Variants in GPHN observed in about 807,000 individuals in gnomAD.
The protein encoded by GPHN is gephyrin.
Under a neutral mutation model 95.5 loss-of-function variants are expected in GPHN, and 17 were observed. The observed-to-expected ratio is 0.18, with a 90% CI of 0.12 to 0.27. The LOEUF (loss-of-function observed/expected upper bound fraction) is 0.27. GPHN is among the 10% of genes least tolerant of loss of function. GPHN has a pLI of 1.00. For missense variants in GPHN, 660 were observed against 978.1 expected (o/e 0.67, Z 4.34); for synonymous variants, 320 against 322.5 (o/e 0.99, Z 0.08).
the GPHN span, among the ~76,000 whole-genome samples, chr14:67,530,426 A>G: frequency 1.7e-4 from 26 of 152,332 alleles, no homozygotes; most frequent in Admixed American, 9.8e-4. Flanking sequence ...GTGCTGTCCA[A>G]GGAACAAGGC....
the GPHN span, among the ~76,000 whole-genome samples, chr14:67,309,012 A>G: frequency 4.6e-5 from 7 of 152,196 alleles, no homozygotes; most frequent in Admixed American, 6.5e-5. Context: ...TATTAAAAAA[A>G]GGAAAAAGAA....
At chr14:67,660,689 G>A in the GPHN span, among the ~76,000 whole-genome samples, 3 of 152,154 alleles carry the variant, frequency 2.0e-5, no homozygotes, top group Admixed American at 2.0e-4. Flanking sequence ...CCATTTTTCT[G>A]GGGTAAGTAA....
At chr14:67,200,936 C>G in the GPHN span, among the ~76,000 whole-genome samples, 1 of 152,206 alleles carries the variant, frequency 6.6e-6, no homozygotes, top group Non-Finnish European at 1.5e-5. Flanking sequence ...CACAACCCCA[C>G]CTGGTTAGCA....
At chr14:66,738,807 A>T (rs1299813459) in intron 2 of GPHN, among the ~76,000 whole-genome samples, 1 of 152,110 alleles carries the variant, frequency 6.6e-6, no homozygotes, top group Non-Finnish European at 1.5e-5. Context: ...TTAAATCATT[A>T]CCTTAGCTAA....
At chr14:67,575,672 A>G in the GPHN span, 2 of 719,086 alleles carry the variant, frequency 2.8e-6, no homozygotes, top group Non-Finnish European at 4.8e-6. Context: ...TTCTGCTGCC[A>G]GCCTGGCTGG....
chr14:67,425,029 C>T, the GPHN span, among the ~76,000 whole-genome samples: 6 of 152,234 alleles, frequency 3.9e-5, no homozygotes, highest in South Asian at 6.2e-4. Flanking sequence ...TTTATCTTTC[C>T]GGGAGAAACA....
the GPHN span, among the ~76,000 whole-genome samples, chr14:67,711,670 T>C: frequency 6.6e-6 from 1 of 152,218 alleles, no homozygotes; most frequent in Non-Finnish European, 1.5e-5. Flanking sequence ...CTTTCCTATC[T>C]TAGACTTCCA....
chr14:67,349,204 A>T, the GPHN span: 1 of 1,133,664 alleles, frequency 8.8e-7, no homozygotes, highest in South Asian at 1.4e-5. Context: ...CAAGAGTGAG[A>T]TGTCACAATT....
chr14:67,645,090 A>AT, the GPHN span, among the ~76,000 whole-genome samples: 19,421 of 151,916 alleles, frequency 0.13, 1,286 homozygotes, highest in East Asian at 0.22. Context: ...TAGGTCTTTA[A>AT]TGGTTTACCC....
intron 4 of GPHN, among the ~76,000 whole-genome samples, chr14:66,869,684 A>T (rs1385061392): frequency 1.3e-5 from 2 of 152,208 alleles, no homozygotes. Context: ...TGATATGTGC[A>T]GAACTGCAAG....
chr14:66,525,928 C>G (rs2058672619), intron 1 of GPHN, among the ~76,000 whole-genome samples: 1 of 151,886 alleles, frequency 6.6e-6, no homozygotes, highest in South Asian at 2.1e-4. Context: ...ATGATGCCTC[C>G]AGCTTTGTTC....
chr14:67,687,039 C>T, the GPHN span, among the ~76,000 whole-genome samples: 1 of 152,128 alleles, frequency 6.6e-6, no homozygotes, highest in African/African-American at 2.4e-5. Context: ...TGCAGTGTTC[C>T]CGACATGCCC....
At chr14:67,695,804 G>T in the GPHN span, 2 of 1,114,686 alleles carry the variant, frequency 1.8e-6, no homozygotes, top group Non-Finnish European at 2.6e-6. Context: ...GCGACAGCCC[G>T]GGGAGCAGAC....
chr14:66,856,605 T>C (rs1455697491), intron 4 of GPHN, among the ~76,000 whole-genome samples: 1 of 152,018 alleles, frequency 6.6e-6, no homozygotes, highest in Non-Finnish European at 1.5e-5. Context: ...GAAGAAAACA[T>C]CTGAACTCAA....
chr14:66,995,013 A>G (rs542609903), intron 9 of GPHN, among the ~76,000 whole-genome samples: 5 of 152,162 alleles, frequency 3.3e-5, no homozygotes, highest in Non-Finnish European at 5.9e-5. Flanking sequence ...TTAAAGAACA[A>G]ATCTTAGATA....
At chr14:67,501,168 T>A in the GPHN span, among the ~76,000 whole-genome samples, 1 of 151,714 alleles carries the variant, frequency 6.6e-6, no homozygotes, top group Admixed American at 6.6e-5. Context: ...TTGAACGAAA[T>A]GCAAACCTCC....
chr14:66,956,980 G>C (rs1418616004), intron 8 of GPHN, among the ~76,000 whole-genome samples: 1 of 108,152 alleles, frequency 9.2e-6, no homozygotes, highest in African/African-American at 3.5e-5. Context: ...GGGGGGAGGG[G>C]GGAGGGATAG....
chr14:66,552,347 TACTC>T (rs921087520), intron 1 of GPHN, among the ~76,000 whole-genome samples: 5 of 152,252 alleles, frequency 3.3e-5, no homozygotes, highest in African/African-American at 1.2e-4. Context: ...TAACTGCATT[TACTC>T]ACTCCCCTAG....
At chr14:67,471,617 G>A in the GPHN span, 19 of 152,226 alleles carry the variant, frequency 1.2e-4, no homozygotes, top group African/African-American at 4.3e-4. Flanking sequence ...CTGGATTTGA[G>A]GAGCCTGCCC....
Sources: allele counts gnomAD v4.1 joint callset (sites outside exome capture counted in the v4.1 genomes callset), GRCh38; gene constraint gnomAD v4.1.1; transcripts MANE v1.5; gene names NCBI Gene and HGNC (gene_info 2026-07-23, HGNC 2026-07-21).